CACNA2D3: variants seen among roughly 807,000 people sequenced by gnomAD.
CACNA2D3 encodes the protein calcium voltage-gated channel auxiliary subunit alpha2delta 3.
A neutral mutation model predicts 160.6 loss-of-function variants in CACNA2D3; 60 were observed. The ratio of observed to expected loss-of-function variants is 0.37; its 90% CI spans 0.30 to 0.46. CACNA2D3 has a LOEUF of 0.46. Ranked by LOEUF, CACNA2D3 falls within the 20% of genes least tolerant of loss-of-function variation. CACNA2D3 has a pLI of 1.00. For synonymous variants in CACNA2D3, 558 were observed against 492.9 expected, an observed-to-expected ratio of 1.13 and a Z score of -1.75; for missense variants, 1,205 against 1,365.0, an observed-to-expected ratio of 0.88 and a Z score of 1.85.
rs546444955 is a variant in CACNA2D3, at chr3:54,387,503, T to C, written c.381+729T>C. Among the ~76,000 whole-genome samples, 3 of 152,118 alleles carry C rather than the reference T, an allele frequency of 2.0e-5. No homozygotes were observed. The East Asian group carries it at 5.8e-4, about 29-fold the overall frequency. ...CCCGTCTCTACTAAAAATACAAAAA[T>C]TAGCTGGGCGTGGTAGCGCACGCCT... On this transcript the variant is annotated intron_variant, in intron 4 of 37. Transcript: ENST00000474759.
intron 11 of CACNA2D3, among the ~76,000 whole-genome samples, chr3:54,703,496 C>A (rs181162108): frequency 9.0e-4 from 137 of 152,194 alleles, no homozygotes; most frequent in African/African-American, 2.8e-3. Context: ...TTGTTATTCA[C>A]ATGTTTAGTT....
intron 4 of CACNA2D3, among the ~76,000 whole-genome samples, chr3:54,496,200 T>C (rs1228544833): frequency 6.6e-6 from 1 of 152,244 alleles, no homozygotes; most frequent in Non-Finnish European, 1.5e-5. Context: ...ATGGTAGATA[T>C]ATGTTTAACA....
At chr3:54,406,392 C>A (rs1300404040) in intron 4 of CACNA2D3, among the ~76,000 whole-genome samples, 1 of 151,952 alleles carries the variant, frequency 6.6e-6, no homozygotes, top group Non-Finnish European at 1.5e-5. Context: ...ATATATATTT[C>A]AGATTGAAGA....
At chr3:54,458,717 A>C (rs1700443642) in intron 4 of CACNA2D3, among the ~76,000 whole-genome samples, 1 of 152,056 alleles carries the variant, frequency 6.6e-6, no homozygotes, top group African/African-American at 2.4e-5. Context: ...CTCTCTCCCA[A>C]GATTTAGGAC....
chr3:54,467,820 A>C (rs1226409588), intron 4 of CACNA2D3, among the ~76,000 whole-genome samples: 1 of 152,214 alleles, frequency 6.6e-6, no homozygotes, highest in East Asian at 1.9e-4. Flanking sequence ...TAGTAGGATG[A>C]TTAGAATTAA....
chr3:54,222,153 A>G (rs1701585543), intron 2 of CACNA2D3, among the ~76,000 whole-genome samples: 2 of 152,374 alleles, frequency 1.3e-5, no homozygotes, highest in South Asian at 2.1e-4. Context: ...CAGAATCAAT[A>G]TAAGGAATGG....
chr3:54,130,456 C>T (rs576398705), intron 2 of CACNA2D3, among the ~76,000 whole-genome samples: 4 of 152,154 alleles, frequency 2.6e-5, no homozygotes, highest in Non-Finnish European at 4.4e-5. Flanking sequence ...CCACCGTGGC[C>T]CTGGGCAAAT....
chr3:54,834,101 A>G (rs938298698), intron 14 of CACNA2D3, among the ~76,000 whole-genome samples: 6 of 152,174 alleles, frequency 3.9e-5, no homozygotes, highest in Non-Finnish European at 8.8e-5. Flanking sequence ...AGTGAAGTTG[A>G]TACTATATTC....
chr3:54,920,247 C>G (rs1051032322), intron 27 of CACNA2D3, among the ~76,000 whole-genome samples: 1 of 152,216 alleles, frequency 6.6e-6, no homozygotes, highest in Non-Finnish European at 1.5e-5. Flanking sequence ...CATTTACTCT[C>G]TCTAAGCTTA....
intron 2 of CACNA2D3, among the ~76,000 whole-genome samples, chr3:54,257,887 G>A (rs1249766769): frequency 2.0e-5 from 3 of 152,282 alleles, no homozygotes; most frequent in African/African-American, 4.8e-5. Context: ...AAGGACAATC[G>A]AAGAAATTAG....
intron 27 of CACNA2D3, among the ~76,000 whole-genome samples, chr3:54,956,067 T>C (rs1402337550): frequency 1.3e-5 from 2 of 152,178 alleles, no homozygotes; most frequent in Admixed American, 6.5e-5. Flanking sequence ...TTTCCCTGTC[T>C]CCTTCTCCCT....
intron 27 of CACNA2D3, among the ~76,000 whole-genome samples, chr3:54,930,455 A>T (rs1701157209): frequency 6.6e-6 from 1 of 152,220 alleles, no homozygotes; most frequent in African/African-American, 2.4e-5. Flanking sequence ...TCTTTAGGTT[A>T]TAGTGGAGAT....
chr3:54,563,009 G>T (rs1702351713), intron 6 of CACNA2D3, 78 bp downstream of exon 6: 7 of 1,378,380 alleles, frequency 5.1e-6, no homozygotes, highest in Admixed American at 2.2e-5. Context: ...AGGGTTCAAG[G>T]TTAAAACTTT....
chr3:54,643,304 T>C (rs557066845), intron 11 of CACNA2D3, among the ~76,000 whole-genome samples: 2 of 152,360 alleles, frequency 1.3e-5, no homozygotes, highest in Admixed American at 6.5e-5. Flanking sequence ...GGTGTCTTTC[T>C]ATATTCCCTT....
chr3:54,754,630 G>GA (rs1327169480), intron 12 of CACNA2D3, among the ~76,000 whole-genome samples: 1 of 152,032 alleles, frequency 6.6e-6, no homozygotes, highest in African/African-American at 2.4e-5. Flanking sequence ...TTTGATGTTT[G>GA]AAAAAATAGG....
intron 35 of CACNA2D3, among the ~76,000 whole-genome samples, chr3:55,066,633 T>C (rs1357832737): frequency 6.6e-6 from 1 of 152,130 alleles, no homozygotes; most frequent in Non-Finnish European, 1.5e-5. Flanking sequence ...TGTCTTGAAA[T>C]CGCATCATCT....
At chr3:54,849,681 G>A (rs908821026) in intron 17 of CACNA2D3, among the ~76,000 whole-genome samples, 4 of 152,022 alleles carry the variant, frequency 2.6e-5, no homozygotes, top group Middle Eastern at 3.2e-3. Context: ...CCATATAATC[G>A]AATCCTTATT....
intron 9 of CACNA2D3, among the ~76,000 whole-genome samples, chr3:54,624,992 C>A (rs936487883): frequency 6.6e-6 from 1 of 152,216 alleles, no homozygotes; most frequent in Admixed American, 6.5e-5. Flanking sequence ...CGGTTAATTG[C>A]CTGGATTTGT....
chr3:54,708,122 C>T (rs550289482), intron 11 of CACNA2D3, among the ~76,000 whole-genome samples: 1 of 152,224 alleles, frequency 6.6e-6, no homozygotes, highest in East Asian at 1.9e-4. Context: ...TTAAAGAACT[C>T]AGGGGCCTTA....
Sources: allele counts gnomAD v4.1 joint callset (sites outside exome capture counted in the v4.1 genomes callset), GRCh38; gene constraint gnomAD v4.1.1; transcripts MANE v1.5; gene names NCBI Gene and HGNC (gene_info 2026-07-23, HGNC 2026-07-21).